The following DLG2 variants were observed in gnomAD, a reference collection of about 807,000 sequenced individuals.
DLG2 encodes disks large homolog 2.
Under a neutral mutation model 132.5 loss-of-function variants are expected in DLG2, and 45 were observed. The ratio of observed to expected loss-of-function variants is 0.34; its 90% CI spans 0.27 to 0.44. The LOEUF (loss-of-function observed/expected upper bound fraction) is 0.44, where lower values mean the gene tolerates loss of function less well. DLG2 is among the 20% of genes least tolerant of loss of function. The pLI is 1.00. For missense variants in DLG2, 1,045 were observed against 1,196.9 expected (o/e 0.87, Z 1.87); for synonymous variants, 424 against 419.6 (o/e 1.01, Z -0.13).
intron 15 of DLG2, among the ~76,000 whole-genome samples, chr11:83,887,835 CCAAAGA>C (rs962182761): frequency 0.013 from 2,013 of 150,126 alleles, 44 homozygotes; most frequent in African/African-American, 0.046. Flanking sequence ...ATAAACGGAA[CCAAAGA>C]CAAAAACCAC....
At chr11:84,709,107 T>C (rs2060093388) in intron 6 of DLG2, among the ~76,000 whole-genome samples, 1 of 151,810 alleles carries the variant, frequency 6.6e-6, no homozygotes, top group Non-Finnish European at 1.5e-5. Flanking sequence ...TGAAGTGAGA[T>C]AATGGGGATG....
chr11:85,121,883 T>C (rs966468952), intron 5 of DLG2, among the ~76,000 whole-genome samples: 1 of 152,132 alleles, frequency 6.6e-6, no homozygotes, highest in African/African-American at 2.4e-5. Context: ...TGCTAAAACA[T>C]TTGTGTATAT....
chr11:84,928,735 T>C (rs752202668), intron 6 of DLG2, among the ~76,000 whole-genome samples: 1 of 151,612 alleles, frequency 6.6e-6, no homozygotes, highest in Non-Finnish European at 1.5e-5. Flanking sequence ...CCTTGGGATT[T>C]TCCTGAGATA....
chr11:85,486,184 T>A (rs766590003), intron 3 of DLG2, among the ~76,000 whole-genome samples: 8 of 151,538 alleles, frequency 5.3e-5, no homozygotes, highest in Non-Finnish European at 1.2e-4. Flanking sequence ...CAGCTGCCAG[T>A]CCAAAAAGGG....
chr11:84,856,762 T>A (rs1358387270), intron 6 of DLG2, among the ~76,000 whole-genome samples: 1 of 152,040 alleles, frequency 6.6e-6, no homozygotes, highest in Non-Finnish European at 1.5e-5. Flanking sequence ...CTAACATAAC[T>A]TTCAAGGCTC....
At chr11:84,256,402 T>C (rs2097471645) in intron 7 of DLG2, among the ~76,000 whole-genome samples, 1 of 151,956 alleles carries the variant, frequency 6.6e-6, no homozygotes, top group South Asian at 2.1e-4. Context: ...CCGAGAAGTG[T>C]AGGCTAATCA....
At chr11:84,006,482 C>T (rs553908080) in intron 11 of DLG2, among the ~76,000 whole-genome samples, 3 of 151,238 alleles carry the variant, frequency 2.0e-5, no homozygotes, top group South Asian at 4.2e-4. Context: ...TAAGTATTTA[C>T]GATAAATACT....
At chr11:84,476,145 G>T (rs942788308) in intron 7 of DLG2, among the ~76,000 whole-genome samples, 1 of 152,046 alleles carries the variant, frequency 6.6e-6, no homozygotes, top group East Asian at 1.9e-4. Flanking sequence ...GTACCCTGTT[G>T]TTCAGAGAAG....
intron 18 of DLG2, among the ~76,000 whole-genome samples, chr11:83,776,070 T>C (rs922481697): frequency 1.4e-4 from 21 of 152,052 alleles, no homozygotes; most frequent in Admixed American, 3.3e-4. Flanking sequence ...CCAGCCTGGG[T>C]GACAGAGCGA....
intron 6 of DLG2, among the ~76,000 whole-genome samples, chr11:84,568,146 C>A (rs57575798): frequency 0.011 from 1,652 of 152,244 alleles, 29 homozygotes; most frequent in African/African-American, 0.037. Context: ...AGGAACCATA[C>A]GTGATAAGTA....
chr11:85,465,411 CG>C (rs1466009365), intron 3 of DLG2, among the ~76,000 whole-genome samples: 8 of 151,968 alleles, frequency 5.3e-5, no homozygotes, highest in African/African-American at 1.9e-4. Flanking sequence ...CCCAGTAACT[CG>C]TCATTTAACA....
chr11:84,698,096 C>T (rs1408171045), intron 6 of DLG2, among the ~76,000 whole-genome samples: 1 of 151,360 alleles, frequency 6.6e-6, no homozygotes, highest in Non-Finnish European at 1.5e-5. Context: ...CTAAATGTGT[C>T]TGGGGATTTG....
At chr11:84,842,241 A>C (rs1002431423) in intron 6 of DLG2, among the ~76,000 whole-genome samples, 3 of 152,022 alleles carry the variant, frequency 2.0e-5, no homozygotes, top group African/African-American at 7.2e-5. Context: ...TATTCAAAAT[A>C]CTTTACCTGA....
At chr11:84,273,982 A>G (rs931608742) in intron 7 of DLG2, among the ~76,000 whole-genome samples, 3 of 152,214 alleles carry the variant, frequency 2.0e-5, no homozygotes, top group African/African-American at 7.2e-5. Context: ...AGTCACTTTT[A>G]TTCCTTATTC....
chr11:84,876,566 T>G (rs1175049817), intron 6 of DLG2, among the ~76,000 whole-genome samples: 2 of 152,192 alleles, frequency 1.3e-5, no homozygotes, highest in Admixed American at 6.5e-5. Flanking sequence ...ATTTGATTAT[T>G]TTCTCTTTTC....
chr11:84,878,208 C>T (rs1320344020), intron 6 of DLG2, among the ~76,000 whole-genome samples: 1 of 152,198 alleles, frequency 6.6e-6, no homozygotes, highest in Non-Finnish European at 1.5e-5. Flanking sequence ...AATCCCATTA[C>T]TGGGTATATA....
chr11:84,223,257 T>C (rs1394903325), intron 8 of DLG2, among the ~76,000 whole-genome samples: 2 of 152,176 alleles, frequency 1.3e-5, no homozygotes, highest in Non-Finnish European at 2.9e-5. Context: ...AGTAGCATCA[T>C]GGAATCGAGT....
At chr11:85,320,269 A>T (rs2080970026) in intron 3 of DLG2, among the ~76,000 whole-genome samples, 1 of 151,964 alleles carries the variant, frequency 6.6e-6, no homozygotes, top group Non-Finnish European at 1.5e-5. Context: ...CAGCAGCCTT[A>T]TTTTACAAAT....
At chr11:84,486,181 T>C (rs1485140628) in intron 7 of DLG2, among the ~76,000 whole-genome samples, 2 of 152,250 alleles carry the variant, frequency 1.3e-5, no homozygotes, top group South Asian at 2.1e-4. Flanking sequence ...CCTATCTCTA[T>C]AAATGAGGTA....
Sources: gnomAD v4.1 joint callset for allele counts (sites outside exome capture counted in the v4.1 genomes callset) on GRCh38, gnomAD v4.1.1 for gene constraint, MANE v1.5 for transcripts, NCBI Gene and HGNC (gene_info 2026-07-23, HGNC 2026-07-21) for gene names.